The following CSGALNACT1 variants were observed in gnomAD, a reference collection of about 807,000 sequenced individuals.
The protein encoded by CSGALNACT1 is beta4GalNAcT-1.
A neutral mutation model predicts 51.0 loss-of-function variants in CSGALNACT1; 52 were observed. That is an observed-to-expected ratio of 1.02 (90% CI 0.82 to 1.29). The LOEUF (loss-of-function observed/expected upper bound fraction) is 1.29, where lower values mean the gene tolerates loss of function less well. CSGALNACT1 is among the 50% of genes most tolerant of loss of function. CSGALNACT1 has a pLI of 0.00. For synonymous variants in CSGALNACT1, 341 were observed against 254.4 expected (o/e 1.34, Z -3.24); for missense variants, 935 against 679.2 (o/e 1.38, Z -4.19).
chr8:19,473,265 G>C (rs767099544), intron 4 of CSGALNACT1, among the ~76,000 whole-genome samples: 1 of 152,056 alleles, frequency 6.6e-6, no homozygotes, highest in Non-Finnish European at 1.5e-5. Flanking sequence ...TTTTGATATT[G>C]CTTGAAAAAC....
In CSGALNACT1 at chr8:19,679,524, T is replaced by A. The variant is rs575823138; in HGVS notation, c.-544+2949A>T. ...TCCAACAACTTAACCCATATACAGA[T>A]CAATCTCATTTTAAGGTACTGACGC... On this transcript the variant is annotated intron_variant, in intron 1 of 9. Coordinates refer to the CSGALNACT1 transcript ENST00000332246. 2.2e-4 allele frequency among the ~76,000 whole-genome samples: 33 copies of A among 152,040 alleles called. No individual in the cohort carries two copies. The South Asian group carries it at 6.9e-3, about 32-fold the overall frequency.
At chr8:19,655,996 G>A (rs932390112) in intron 1 of CSGALNACT1, among the ~76,000 whole-genome samples, 3 of 152,122 alleles carry the variant, frequency 2.0e-5, no homozygotes, top group Non-Finnish European at 2.9e-5. Flanking sequence ...GAGTATTTCA[G>A]TTAAACTTTG....
At chr8:19,626,513 CT>C (rs1165615417) in intron 1 of CSGALNACT1, among the ~76,000 whole-genome samples, 15 of 152,000 alleles carry the variant, frequency 9.9e-5, no homozygotes, top group African/African-American at 2.7e-4. Flanking sequence ...ATAGAAAATC[CT>C]TGTAACTTAG....
intron 3 of CSGALNACT1, among the ~76,000 whole-genome samples, chr8:19,589,004 T>G (rs1237832414): frequency 6.6e-6 from 1 of 152,142 alleles, no homozygotes; most frequent in Non-Finnish European, 1.5e-5. Context: ...CCAGGAATGG[T>G]GAACATCCTT....
chr8:19,675,300 A>G (rs1467156431), intron 1 of CSGALNACT1, among the ~76,000 whole-genome samples: 1 of 152,166 alleles, frequency 6.6e-6, no homozygotes, highest in Non-Finnish European at 1.5e-5. Context: ...GATAGGGTTA[A>G]TTTCCTTCCC....
At chr8:19,743,413 T>C (rs1300549298) in intron 1 of CSGALNACT1, among the ~76,000 whole-genome samples, 1 of 152,220 alleles carries the variant, frequency 6.6e-6, no homozygotes, top group African/African-American at 2.4e-5. Flanking sequence ...AAGGACCATA[T>C]TCATTATGAT....
In CSGALNACT1 at chr8:19,728,412, T is replaced by C. The variant is rs183076614; in HGVS notation, c.-297+29438A>G. On this transcript the variant is annotated intron_variant, in intron 1 of 1. Transcript: ENST00000517494. ...AGCATTCTTTGTGCAATAGAAATTATTAATGCTACATACAGTAAGAAGGAT... is the reference window on the plus strand; with the variant it reads ...AGCATTCTTTGTGCAATAGAAATTACTAATGCTACATACAGTAAGAAGGAT... Among the ~76,000 whole-genome samples, 536 of 152,310 alleles carry C rather than the reference T, an allele frequency of 3.5e-3. 1 individual carries two copies. The highest frequency in any genetic ancestry group is 4.6e-3 in the Non-Finnish European group (314 of 68,022).
chr8:19,516,887 T>G (rs139161078), intron 3 of CSGALNACT1, among the ~76,000 whole-genome samples: 58 of 152,326 alleles, frequency 3.8e-4, no homozygotes, highest in Middle Eastern at 3.4e-3. Flanking sequence ...GTGGTTCAAG[T>G]GCTGCCTTTG....
intron 4 of CSGALNACT1, among the ~76,000 whole-genome samples, chr8:19,493,297 G>T (rs910836901): frequency 5.3e-5 from 8 of 152,030 alleles, no homozygotes; most frequent in Non-Finnish European, 1.2e-4. Flanking sequence ...ACTCTTTTTT[G>T]GGGGAGGGGG....
intron 1 of CSGALNACT1, among the ~76,000 whole-genome samples, chr8:19,658,823 C>T (rs1444336210): frequency 6.6e-6 from 1 of 152,204 alleles, no homozygotes; most frequent in African/African-American, 2.4e-5. Flanking sequence ...ATTCAGCAAG[C>T]TTCAACTACT....
intron 3 of CSGALNACT1, among the ~76,000 whole-genome samples, chr8:19,543,095 T>C (rs912231677): frequency 6.6e-6 from 1 of 152,088 alleles, no homozygotes; most frequent in Non-Finnish European, 1.5e-5. Context: ...GACTGAGTTA[T>C]AACTAACAAA....
intron 1 of CSGALNACT1, among the ~76,000 whole-genome samples, chr8:19,649,857 G>A: frequency 1.2e-5 from 1 of 84,602 alleles, no homozygotes; most frequent in African/African-American, 4.0e-5. Context: ...CACGGGGGGA[G>A]GCATTATGTA....
intron 1 of CSGALNACT1, among the ~76,000 whole-genome samples, chr8:19,648,762 G>T (rs1009169777): frequency 6.6e-6 from 1 of 152,150 alleles, no homozygotes; most frequent in Non-Finnish European, 1.5e-5. Flanking sequence ...CCATGGTGGC[G>T]CCAACTGCAC....
At chr8:19,404,481 C>G (rs1269264877) in exon 10 of CSGALNACT1, 1 of 453,820 alleles carries the variant, frequency 2.2e-6, no homozygotes, top group African/African-American at 2.0e-5. Context: ...TCAGAAGCAT[C>G]TTGGTGATCG....
At chr8:19,584,026 C>G (rs1446432513) in intron 3 of CSGALNACT1, among the ~76,000 whole-genome samples, 1 of 152,146 alleles carries the variant, frequency 6.6e-6, no homozygotes, top group Non-Finnish European at 1.5e-5. Context: ...ATCTAATAGT[C>G]TGCTACATTC....
chr8:19,424,570 C>G (rs970201142), intron 6 of CSGALNACT1, among the ~76,000 whole-genome samples: 2 of 152,204 alleles, frequency 1.3e-5, no homozygotes, highest in Non-Finnish European at 2.9e-5. Flanking sequence ...GCCTCCTCAT[C>G]TGAAACTTAC....
chr8:19,730,826 T>C (rs2063650793), intron 1 of CSGALNACT1, among the ~76,000 whole-genome samples: 1 of 152,226 alleles, frequency 6.6e-6, no homozygotes, highest in African/African-American at 2.4e-5. Context: ...TCCATCACTC[T>C]AATCATCTTG....
At chr8:19,577,229 C>G (rs2044441466) in intron 3 of CSGALNACT1, among the ~76,000 whole-genome samples, 1 of 152,092 alleles carries the variant, frequency 6.6e-6, no homozygotes, top group Non-Finnish European at 1.5e-5. Context: ...CCACGCGATA[C>G]TAGCTCTACT....
intron 1 of CSGALNACT1, among the ~76,000 whole-genome samples, chr8:19,698,252 G>A (rs191937608): frequency 3.0e-4 from 46 of 152,274 alleles, no homozygotes; most frequent in Non-Finnish European, 5.9e-4. Flanking sequence ...CTTGCCTTCT[G>A]GCCCCAGAAC....
Sources: allele counts gnomAD v4.1 joint callset (sites outside exome capture counted in the v4.1 genomes callset), GRCh38; gene constraint gnomAD v4.1.1; transcripts MANE v1.5; gene names NCBI Gene and HGNC (gene_info 2026-07-23, HGNC 2026-07-21).